Variants in FBRSL1 observed in about 807,000 individuals in gnomAD.
FBRSL1 encodes the protein fibrosin-1-like protein.
A neutral mutation model predicts 89.6 loss-of-function variants in FBRSL1; 51 were observed. The observed-to-expected ratio is 0.57, with a 90% CI of 0.45 to 0.72. The LOEUF (loss-of-function observed/expected upper bound fraction) is 0.72, where lower values mean the gene tolerates loss of function less well. Ranked by LOEUF, FBRSL1 falls within the 30% of genes least tolerant of loss-of-function variation. The pLI is 0.00. For synonymous variants in FBRSL1, 779 were observed against 681.1 expected, an observed-to-expected ratio of 1.14 and a Z score of -2.24; for missense variants, 1,618 against 1,451.8, an observed-to-expected ratio of 1.11 and a Z score of -1.86.
At chr12:132,573,809 C>T (rs891931770) in intron 11 of FBRSL1, among the ~76,000 whole-genome samples, 2 of 152,200 alleles carry the variant, frequency 1.3e-5, no homozygotes, top group African/African-American at 2.4e-5. Flanking sequence ...GCACCACTCC[C>T]CCTCTGGGTG....
intron 2 of FBRSL1, among the ~76,000 whole-genome samples, chr12:132,519,324 A>G (rs35393089): frequency 0.083 from 12,604 of 152,276 alleles, 548 homozygotes; most frequent in Middle Eastern, 0.13. Context: ...ATGTGGAGTG[A>G]ATGGAGTGTC....
chr12:132,560,939 C>T (rs1289289277), intron 5 of FBRSL1, among the ~76,000 whole-genome samples: 2 of 152,160 alleles, frequency 1.3e-5, no homozygotes, highest in African/African-American at 2.4e-5. Flanking sequence ...GGTCATCTGG[C>T]CACTGCCAGA....
rs1185529516 is a variant in FBRSL1, at chr12:132,583,286, C to A, written c.2517C>A (p.Gly839=). Residue 839 remains glycine (G), a synonymous_variant, in exon 19 of 19, where the codon GGC becomes GGA. Transcript: ENST00000680143. ...GGLHPAPLQL[G]LGRERLGAPG... ...TGCACCCCGCGCCCCTGCAGCTCGGCCTGGGCCGCGAGCGCCTGGGCGCGC... is the reference window on the plus strand; with the variant it reads ...TGCACCCCGCGCCCCTGCAGCTCGGACTGGGCCGCGAGCGCCTGGGCGCGC... 8.7e-7 allele frequency: 1 copy of A among 1,151,426 alleles called. No individual in the cohort carries two copies. The highest frequency in any genetic ancestry group is 1.1e-6 in the Non-Finnish European group (1 of 908,398). 71.3% of individuals were successfully genotyped at this position (1,151,426 alleles called of 1,614,324 possible).
chr12:132,546,331 G>A lies in FBRSL1; in HGVS notation c.616-1672G>A, dbSNP rs1042084379. Among the ~76,000 whole-genome samples, 1 of 152,246 alleles carries A rather than the reference G, an allele frequency of 6.6e-6. No individual in the cohort carries two copies. The highest frequency in any genetic ancestry group is 6.5e-5 in the Admixed American group (1 of 15,290). On this transcript the variant is annotated intron_variant, in intron 4 of 18. Transcript: ENST00000680143. This position sits in a 1 kb window ranked among gnomAD's most constrained non-coding sequence, Gnocchi z 4.0. ...TGTGGCCCAGCCCTTGGTGAGCTCC[G>A]CACCTGCAGCCTCCGGGGCGGGATG... is the stretch of plus-strand genomic sequence containing the variant.
intron 3 of FBRSL1, among the ~76,000 whole-genome samples, chr12:132,527,600 C>T (rs1187547265): frequency 1.3e-5 from 2 of 150,918 alleles, no homozygotes; most frequent in Non-Finnish European, 1.5e-5. Context: ...GGCTGCGGGG[C>T]AGGGTTGAGG....
chr12:132,556,458 C>T (rs2038645885), intron 5 of FBRSL1, among the ~76,000 whole-genome samples: 2 of 150,998 alleles, frequency 1.3e-5, no homozygotes, highest in East Asian at 3.9e-4. Context: ...TCTGAGTGTT[C>T]GTCCTGTGGG....
chr12:132,562,006 G>C (rs561485407), intron 5 of FBRSL1, among the ~76,000 whole-genome samples: 1 of 152,134 alleles, frequency 6.6e-6, no homozygotes, highest in Non-Finnish European at 1.5e-5. Context: ...GAGCCGCAGT[G>C]CCCCCTGGAG....
In FBRSL1 at chr12:132,583,510, C is replaced by T; in HGVS notation, c.2741C>T (p.Ala914Val). The change falls in exon 19 of 19, where the codon GCC becomes GTC. Residue 914 changes from alanine (A) to valine (V), a missense_variant. Coordinates refer to ENST00000680143, the MANE Select transcript of FBRSL1 (RefSeq NM_001367871.1). Reference sequence around the variant, plus strand: ...CGGGCCCCGCACCTGCCGCCCGCCGCCCCCGCCTTGGACGGCGCGCTGCTG... The same window carrying T: ...CGGGCCCCGCACCTGCCGCCCGCCGTCCCCGCCTTGGACGGCGCGCTGCTG... ...RARAPHLPPA[A>V]PALDGALLPS... is the part of the protein sequence containing the mutation. 9.6e-7 allele frequency: 1 copy of T among 1,043,646 alleles called. No individual in the cohort carries two copies. The highest frequency in any genetic ancestry group is 1.2e-6 in the Non-Finnish European group (1 of 867,046). 64.6% of individuals were successfully genotyped at this position (1,043,646 alleles called of 1,614,324 possible).
At chr12:132,539,210 C>T (rs1212148835) in intron 4 of FBRSL1, among the ~76,000 whole-genome samples, 4 of 152,100 alleles carry the variant, frequency 2.6e-5, no homozygotes, top group African/African-American at 9.7e-5. Context: ...GAAGAAAGGC[C>T]TGGGGAGCGG....
chr12:132,508,465 C>T (rs1201891276), intron 2 of FBRSL1, 115 bp downstream of exon 2: 66 of 1,235,736 alleles, frequency 5.3e-5, no homozygotes, highest in South Asian at 2.4e-4. Flanking sequence ...CCTGGCAGCG[C>T]GCCCATCGTT....
Position 132,583,467 on chromosome 12 carries a change from G to T in FBRSL1, c.2698G>T (p.Gly900Trp), listed in dbSNP as rs1182055115. The change falls in exon 19 of 19, where the codon GGG (glycine) becomes TGG (tryptophan). Residue 900 changes from glycine (G) to tryptophan (W), a missense_variant. Gly to Trp is a radical substitution (Grantham distance 184, BLOSUM62 -2). Coordinates refer to ENST00000680143, the MANE Select transcript of FBRSL1 (RefSeq NM_001367871.1). ...PHGYSPERLR[G>W]ELERARAPHL... ...CGGCTACAGCCCCGAGCGCCTGCGC[G>T]GGGAGCTGGAGCGCGCGCGGGCCCC... 2.8e-6 allele frequency: 3 copies of T among 1,058,562 alleles called. No individual in the cohort carries two copies. The African/African-American group carries it at 5.3e-5, about 19-fold the overall frequency. The allele number at this position is 1,058,562 out of a possible 1,614,324, so 65.6% of individuals were successfully genotyped here.
At position 132,583,050 on chromosome 12, in the gene FBRSL1, C is replaced by T. The variant is rs2040891997; in HGVS notation, c.2281C>T (p.Leu761Phe). 6.9e-7 allele frequency: 1 copy of T among 1,450,234 alleles called. No homozygotes were observed. Among genetic ancestry groups the T allele is most frequent in the African/African-American group, 1.5e-5 (1 of 66,878 alleles). 89.8% of individuals were successfully genotyped at this position (1,450,234 alleles called of 1,614,324 possible). The change falls in exon 19 of 19, where the codon CTC (leucine) becomes TTC (phenylalanine). Residue 761 changes from leucine (L) to phenylalanine (F), a missense_variant. By Grantham distance (22) the Leu-to-Phe change is conservative. Transcript: ENST00000680143. ...TGGCCACCCCGTCAGCGGCCTCCTG[C>T]TCCGGGCCCAGAGCGAGCTGGGCCG... ...PAGHPVSGLL[L>F]RAQSELGRSG... is the part of the protein sequence containing the mutation.
intron 9 of FBRSL1, 168 bp from the exon 10 acceptor site, chr12:132,572,120 C>G (rs1376903961): frequency 4.8e-6 from 3 of 620,002 alleles, no homozygotes; most frequent in Non-Finnish European, 5.7e-6. Flanking sequence ...GAGTTCAGAG[C>G]CGTGGGGCTG....
Position 132,583,555 on chromosome 12 carries a change from A to G in FBRSL1, c.2786A>G (p.His929Arg), listed in dbSNP as rs1267165021. 4 of 1,039,770 alleles carry G rather than the reference A, an allele frequency of 3.8e-6. No individual in the cohort carries two copies. Among genetic ancestry groups the G allele is most frequent in the South Asian group, 3.0e-5 (1 of 33,428 alleles). The allele number at this position is 1,039,770 out of a possible 1,614,324, so 64.4% of individuals were successfully genotyped here. A position where few individuals can be genotyped will look rare whatever the true frequency, so the allele number is the denominator to read the frequency against. ...CTGCTGCCCTCGCTGGGAGCCCTGC[A>G]CTTCCCGCGCCTCTCGCCCGCCGCG... ...GALLPSLGAL[H>R]FPRLSPAALH... The change falls in exon 19 of 19, where the codon CAC (histidine) becomes CGC (arginine). Residue 929 changes from histidine (H) to arginine (R), a missense_variant. Physicochemically the swap from His to Arg is conservative, Grantham distance 29. Transcript: ENST00000680143.
At chr12:132,511,374 A>G in intron 2 of FBRSL1, 1 of 985,652 alleles carries the variant, frequency 1.0e-6, no homozygotes, top group South Asian at 4.7e-5. Flanking sequence ...TCACACTACA[A>G]GGCTACCCCT....
rs77941030 is a variant in FBRSL1, at chr12:132,497,850, C to T, written c.291+6989C>T. ...TGAGCATGTAAGCAGCCCCCAGGTC[C>T]CTGAGGGAGGGCCAGGGCTTGTGGC... On this transcript the variant is annotated intron_variant, in intron 1 of 18. Coordinates refer to ENST00000680143, the MANE Select transcript of FBRSL1 (RefSeq NM_001367871.1). Among the ~76,000 whole-genome samples, 1,779 of 152,316 alleles carry T rather than the reference C, an allele frequency of 0.012. 46 individuals are homozygous for T. The East Asian group carries it at 0.12, about 10-fold the overall frequency.
intron 2 of FBRSL1, chr12:132,510,639 C>T (rs2034226944): frequency 2.4e-6 from 3 of 1,230,076 alleles, no homozygotes; most frequent in Middle Eastern, 3.1e-4. Context: ...GGCGGGAGCC[C>T]CTACAGTGCC....
chr12:132,566,968 A>G (rs2039671399), intron 5 of FBRSL1, among the ~76,000 whole-genome samples: 1 of 152,186 alleles, frequency 6.6e-6, no homozygotes, highest in African/African-American at 2.4e-5. Context: ...AGCCTTGCGG[A>G]CCCACATGTC....
chr12:132,513,109 C>T (rs1465066274), intron 2 of FBRSL1, among the ~76,000 whole-genome samples: 1 of 152,246 alleles, frequency 6.6e-6, no homozygotes, highest in Non-Finnish European at 1.5e-5. Context: ...TTCTGAAGAG[C>T]TGGGAATCCA....
Sources: gnomAD v4.1 joint callset for allele counts (sites outside exome capture counted in the v4.1 genomes callset) on GRCh38, gnomAD v4.1.1 for gene constraint, Gnocchi (gnomAD v3.1) non-coding constraint, MANE v1.5 for transcripts, NCBI Gene and HGNC (gene_info 2026-07-23, HGNC 2026-07-21) for gene names.